Variants in DYNC1H1 observed in about 807,000 individuals in gnomAD.
DYNC1H1 encodes the protein cytoplasmic dynein 1 heavy chain 1.
DYNC1H1 carries 51 observed loss-of-function variants against 527.1 expected under a neutral mutation model. The observed-to-expected ratio is 0.10, with a 90% CI of 0.08 to 0.12. The LOEUF (loss-of-function observed/expected upper bound fraction) is 0.12, where lower values mean the gene tolerates loss of function less well. DYNC1H1 is among the 10% of genes least tolerant of loss of function. The pLI, the probability that DYNC1H1 is intolerant of heterozygous loss-of-function variation, is 1.00. For synonymous variants in DYNC1H1, 2,189 were observed against 2,278.8 expected, an observed-to-expected ratio of 0.96 and a Z score of 1.12; for missense variants, 2,771 against 5,971.8, an observed-to-expected ratio of 0.46 and a Z score of 17.66.
intron 63 of DYNC1H1, 90 bp downstream of exon 63, chr14:102,040,500 G>A: frequency 6.2e-7 from 1 of 1,612,410 alleles, no homozygotes; most frequent in Non-Finnish European, 8.5e-7. Flanking sequence ...AACCCAGAAT[G>A]TTGTGTCTGC....
In DYNC1H1 at chr14:102,020,107, CT is replaced by C. The variant is rs2048368345; in HGVS notation, c.8507+53del. On this transcript the variant is annotated intron_variant, in intron 42 of 77. Coordinates refer to ENST00000360184, the MANE Select transcript of DYNC1H1 (RefSeq NM_001376.5). The surrounding 1 kb of genome is among the most constrained non-coding windows in gnomAD (Gnocchi z 4.3). ...GTCCCATTCTCCCCTGCTCTGAGTT[CT>C]TACAGCTGTCGAAGCTGGGGTCTTT... The C allele has an allele frequency of 6.2e-7, 1 of 1,606,146 alleles. No homozygotes were observed. The highest frequency in any genetic ancestry group is 8.5e-7 in the Non-Finnish European group (1 of 1,176,174).
In DYNC1H1 at chr14:102,001,174, C is replaced by T. The variant is rs748713162; in HGVS notation, c.4215C>T (p.Ser1405=). Residue 1405 remains serine (S), a synonymous_variant, in exon 20 of 78, where the codon TCC becomes TCT. Transcript: ENST00000360184. This position sits in a 1 kb window ranked among gnomAD's most constrained non-coding sequence, Gnocchi z 5.0. ...KINMLVIELK[S]EALKDRHWKQ... ...ATATGCTGGTGATTGAACTGAAATC[C>T]GAAGCACTTAAAGACCGCCATTGGA... The T allele has an allele frequency of 1.8e-5, 29 of 1,614,022 alleles. No individual in the cohort carries two copies. Among genetic ancestry groups the T allele is most frequent in the East Asian group, 4.5e-5 (2 of 44,902 alleles).
chr14:101,964,930 A>T lies in DYNC1H1; in HGVS notation c.239A>T (p.Glu80Val). The change falls in exon 1 of 78, where the codon GAG (glutamate) becomes GTG (valine). Residue 80 changes from glutamate to valine, a missense_variant. Coordinates refer to ENST00000360184, the MANE Select transcript of DYNC1H1 (RefSeq NM_001376.5). The surrounding 1 kb of genome is among the most constrained non-coding windows in gnomAD (Gnocchi z 5.5). ...SDPQVHTVLV[E>V]RSTLKEDVGD... ...CCGCAGGTCCACACGGTGCTGGTGGAGCGCTCCACGCTCAAAGGTGCGGGG... is the reference window on the plus strand; with the variant it reads ...CCGCAGGTCCACACGGTGCTGGTGGTGCGCTCCACGCTCAAAGGTGCGGGG... 2 of 1,598,924 alleles carry T rather than the reference A, an allele frequency of 1.3e-6. No homozygotes were observed. The highest frequency in any genetic ancestry group is 1.7e-6 in the Non-Finnish European group (2 of 1,174,206).
chr14:102,008,087 G>T (rs1360220739), intron 28 of DYNC1H1, 91 bp from the exon 29 acceptor site: 24 of 1,575,600 alleles, frequency 1.5e-5, no homozygotes, highest in Non-Finnish European at 2.1e-5. Context: ...CTAGGGTTAG[G>T]GCATCAACAT....
intron 15 of DYNC1H1, among the ~76,000 whole-genome samples, chr14:101,996,491 T>C (rs2048063838): frequency 6.6e-6 from 1 of 152,178 alleles, no homozygotes; most frequent in African/African-American, 2.4e-5. Context: ...CTTTGTATCC[T>C]GTCCGGGGCC....
chr14:102,008,368 G>C, intron 29 of DYNC1H1, 31 bp downstream of exon 29: 3 of 1,612,536 alleles, frequency 1.9e-6, no homozygotes, highest in Non-Finnish European at 2.5e-6. Flanking sequence ...AAATTACTTA[G>C]AGAATGTAGA....
In DYNC1H1 at chr14:102,016,135, C is replaced by T; in HGVS notation, c.7473+49C>T. On this transcript the variant is annotated intron_variant, in intron 36 of 77. Transcript: ENST00000360184. The surrounding 1 kb of genome is among the most constrained non-coding windows in gnomAD (Gnocchi z 7.3). ...CAGAGCTCACCACTGCGCCAGACCA[C>T]AGGTCTGAGGACCTCTGAAATGCTG... 6.4e-7 allele frequency: 1 copy of T among 1,554,822 alleles called. No homozygotes were observed.
Position 101,982,108 on chromosome 14 carries a change from T to C in DYNC1H1, c.962-911T>C, listed in dbSNP as rs1046988422. Among the ~76,000 whole-genome samples, 16 of 152,158 alleles carry C rather than the reference T, an allele frequency of 1.1e-4. No homozygotes were observed. The East Asian group carries it at 2.9e-3, about 27-fold the overall frequency. On this transcript the variant is annotated intron_variant, in intron 5 of 77. Transcript: ENST00000360184. ...TCACATGAGTGGCGGCATTAGATTC[T>C]CATAGGGGCGCAAACCCTGTTGTGA...
chr14:101,988,534 C>G (rs2047961174), intron 9 of DYNC1H1, among the ~76,000 whole-genome samples, 169 bp from the exon 10 acceptor site: 1 of 152,184 alleles, frequency 6.6e-6, no homozygotes, highest in Non-Finnish European at 1.5e-5. Flanking sequence ...AACAAGTGAT[C>G]TGTGGCTGGG....
In DYNC1H1 at chr14:101,995,169, C is replaced by T. The variant is rs772567202; in HGVS notation, c.3445-12C>T. On this transcript the variant is annotated splice_polypyrimidine_tract_variant and intron_variant, in intron 14 of 77. Transcript: ENST00000360184. ...CAGCTCTGTGATGAAATACTCCCCT[C>T]TCTCTGAACAGTCCCGCCAAGAGTT... The T allele has an allele frequency of 6.2e-7, 1 of 1,614,266 alleles. No homozygotes were observed. The highest frequency in any genetic ancestry group is 1.1e-5 in the South Asian group (1 of 91,090).
chr14:101,976,460 T>A (rs953047065), intron 2 of DYNC1H1, among the ~76,000 whole-genome samples: 1 of 151,386 alleles, frequency 6.6e-6, no homozygotes, highest in Admixed American at 6.6e-5. Flanking sequence ...TTGAATAGCT[T>A]GAACCCGGGA....
chr14:102,011,977 T>A lies in DYNC1H1; in HGVS notation c.6721T>A (p.Leu2241Met), dbSNP rs1175510296. 1 of 1,613,896 alleles carries A rather than the reference T, an allele frequency of 6.2e-7. No individual in the cohort carries two copies. Among genetic ancestry groups the A allele is most frequent in the Non-Finnish European group, 8.5e-7 (1 of 1,179,974 alleles). The change falls in exon 33 of 78, where the codon TTG (leucine) becomes ATG (methionine). Residue 2241 changes from leucine (L) to methionine (M), a missense_variant. Leu to Met is a conservative substitution (Grantham distance 15, BLOSUM62 2). This residue lies in a region of DYNC1H1 where 56 missense variants were observed against 183.8 expected (regional missense o/e 0.30). Transcript: ENST00000360184. The surrounding 1 kb of genome is among the most constrained non-coding windows in gnomAD (Gnocchi z 5.3). The part of the protein sequence containing the change: ...SMAWRVLLKA[L>M]ERLEGVEGVA... ...GGCCTGGCGTGTCCTGCTGAAGGCA[T>A]TGGAGAGACTCGAGGGTGTGGAAGG...
chr14:101,971,820 A>G (rs907054596), intron 1 of DYNC1H1, among the ~76,000 whole-genome samples: 3 of 152,260 alleles, frequency 2.0e-5, no homozygotes, highest in Non-Finnish European at 2.9e-5. Flanking sequence ...TCTTTGAATA[A>G]AAGTATACAC....
Position 102,038,646 on chromosome 14 carries a change from T to C in DYNC1H1, c.11055+40T>C, listed in dbSNP as rs772785039. 1.1e-5 allele frequency: 18 copies of C among 1,614,082 alleles called. No homozygotes were observed. The South Asian group carries it at 2.0e-4, about 18-fold the overall frequency. ...CCTTCCCCAGGGAAATCTGGCAGGATGTGGTTTTGAAACTGGATTAAGACA... is the reference window on the plus strand; with the variant it reads ...CCTTCCCCAGGGAAATCTGGCAGGACGTGGTTTTGAAACTGGATTAAGACA... On this transcript the variant is annotated intron_variant, in intron 58 of 77. Transcript: ENST00000360184. The surrounding 1 kb of genome is among the most constrained non-coding windows in gnomAD (Gnocchi z 7.2).
At chr14:101,984,423 GTGTGTGTGTATATATATA>G (rs1595599946) in intron 7 of DYNC1H1, among the ~76,000 whole-genome samples, 1 of 123,610 alleles carries the variant, frequency 8.1e-6, no homozygotes, top group East Asian at 2.2e-4. Context: ...GTGTGTGTGT[GTGTGTGTGTATATATATA>G]TATATTATAT....
chr14:102,030,516 A>G, intron 51 of DYNC1H1: 1 of 541,918 alleles, frequency 1.8e-6, no homozygotes, highest in Non-Finnish European at 3.2e-6. Flanking sequence ...CCCCTCTCAT[A>G]AAAGAAACTT....
At chr14:101,988,908 G>T in intron 10 of DYNC1H1, 56 bp downstream of exon 10, 1 of 1,607,174 alleles carries the variant, frequency 6.2e-7, no homozygotes, top group South Asian at 1.1e-5. Flanking sequence ...AAACTCTCTC[G>T]TTAAAAAACA....
Position 102,051,027 on chromosome 14 carries a change from C to T in DYNC1H1, c.*464C>T, listed in dbSNP as rs1417165895. On this transcript the variant is annotated 3_prime_UTR_variant, in exon 78 of 78. Coordinates refer to ENST00000360184, the MANE Select transcript of DYNC1H1 (RefSeq NM_001376.5). Reference sequence around the variant, plus strand: ...TGGGGCCCGGGCACCATGGTTCACACCTTTAATCGCAGCACTTTGGGAGTC... The same window carrying T: ...TGGGGCCCGGGCACCATGGTTCACATCTTTAATCGCAGCACTTTGGGAGTC... 1 of 249,596 alleles carries T rather than the reference C, an allele frequency of 4.0e-6. No homozygotes were observed. The highest frequency in any genetic ancestry group is 7.9e-6 in the Non-Finnish European group (1 of 127,262). 15.5% of individuals were successfully genotyped at this position (249,596 alleles called of 1,614,324 possible).
chr14:102,048,053 C>T (rs1344039530), intron 73 of DYNC1H1, 25 bp downstream of exon 73: 6 of 1,596,758 alleles, frequency 3.8e-6, no homozygotes, highest in African/African-American at 2.7e-5. Context: ...GGCGGGCCGG[C>T]CAGGTCTCAA....
Sources: allele counts gnomAD v4.1 joint callset (sites outside exome capture counted in the v4.1 genomes callset), GRCh38; gene constraint gnomAD v4.1.1; regional missense constraint gnomAD v4.1.1; non-coding constraint Gnocchi (gnomAD v3.1); transcripts MANE v1.5; gene names NCBI Gene and HGNC (gene_info 2026-07-23, HGNC 2026-07-21).